Variants in CARD8 observed in about 807,000 individuals in gnomAD.
The protein encoded by CARD8 is caspase recruitment domain-containing protein 8.
CARD8 carries 38 observed loss-of-function variants against 53.2 expected under a neutral mutation model. That is an observed-to-expected ratio of 0.71 (90% CI 0.55 to 0.94). CARD8 has a LOEUF of 0.94. Ranked by LOEUF, CARD8 falls within the 40% of genes least tolerant of loss-of-function variation. The pLI is 0.00. For missense variants in CARD8, 561 were observed against 655.5 expected (o/e 0.86, Z 1.57); for synonymous variants, 245 against 244.9 (o/e 1.00, Z 0.00).
At chr19:48,221,465 A>G (rs2040611416) in intron 11 of CARD8, among the ~76,000 whole-genome samples, 1 of 152,238 alleles carries the variant, frequency 6.6e-6, no homozygotes, top group Non-Finnish European at 1.5e-5. Context: ...TAATTATAAC[A>G]GGGAAATGGA....
At chr19:48,217,720 T>C (rs1395361966) in intron 12 of CARD8, among the ~76,000 whole-genome samples, 3 of 152,192 alleles carry the variant, frequency 2.0e-5, no homozygotes, top group Admixed American at 6.5e-5. Context: ...TTCTGCATCA[T>C]TGTAGTTATT....
chr19:48,230,473 A>G lies in CARD8; in HGVS notation c.1000T>C (p.Leu334=), dbSNP rs778602205. ...HPHPEDIKFH[L]YLVPSDALLT... is the part of the protein sequence containing the mutation. Reference sequence around the variant, plus strand: ...AAGGCGTCGCTGGGGACAAGGTACAAGTGGAACTTAATATCTTCGGGGTGG... The same window carrying G: ...AAGGCGTCGCTGGGGACAAGGTACAGGTGGAACTTAATATCTTCGGGGTGG... The change falls in exon 10 of 14, where the codon TTG becomes CTG. Residue 334 remains leucine, a synonymous_variant. Transcript: ENST00000651546. 1 of 1,613,522 alleles carries G rather than the reference A, an allele frequency of 6.2e-7. No individual in the cohort carries two copies. Among genetic ancestry groups the G allele is most frequent in the South Asian group, 1.1e-5 (1 of 91,014 alleles).
chr19:48,216,962 A>C (rs1253817745), intron 12 of CARD8, among the ~76,000 whole-genome samples: 1 of 152,116 alleles, frequency 6.6e-6, no homozygotes, highest in East Asian at 1.9e-4. Flanking sequence ...GTTTTCCTGC[A>C]ACTAGGTGGT....
intron 3 of CARD8, among the ~76,000 whole-genome samples, chr19:48,244,522 T>G (rs537968955): frequency 1.1e-3 from 167 of 152,276 alleles, no homozygotes; most frequent in Admixed American, 2.5e-3. Context: ...GTGATTTATC[T>G]ATAGAGTTTG....
chr19:48,230,554 T>C lies in CARD8; in HGVS notation c.919A>G (p.Ser307Gly). ...SLMGILLRIA[S>G]GTRLSIPITS... ...ATGGGGATGGAGAGGCGAGTCCCAC[T>C]GGCGATCCGCAGCAGGATGCCCATC... Residue 307 changes from serine (S) to glycine (G), a missense_variant, in exon 10 of 14, where the codon AGT becomes GGT. Physicochemically the swap from Ser to Gly is moderately conservative, Grantham distance 56. Coordinates refer to ENST00000651546, the MANE Select transcript of CARD8 (RefSeq NM_001184900.3). The C allele has an allele frequency of 6.2e-7, 1 of 1,614,190 alleles. No homozygotes were observed. The highest frequency in any genetic ancestry group is 8.5e-7 in the Non-Finnish European group (1 of 1,180,028).
In CARD8 at chr19:48,211,526, A is replaced by G; in HGVS notation, c.*184T>C. ...CTACCTTCTTCAGACATTCTTGAGG[A>G]AAATGCATGAGGATACAGTCAATAG... is the stretch of plus-strand genomic sequence containing the variant. On this transcript the variant is annotated 3_prime_UTR_variant, in exon 14 of 14. Coordinates refer to ENST00000651546, the MANE Select transcript of CARD8 (RefSeq NM_001184900.3). The G allele has an allele frequency of 1.7e-6, 1 of 592,136 alleles. No individual in the cohort carries two copies. The highest frequency in any genetic ancestry group is 2.9e-6 in the Non-Finnish European group (1 of 340,904). The allele number at this position is 592,136 out of a possible 1,614,324, so 36.7% of individuals were successfully genotyped here.
chr19:48,244,407 G>T (rs906629516), intron 3 of CARD8, among the ~76,000 whole-genome samples: 5 of 152,172 alleles, frequency 3.3e-5, no homozygotes, highest in African/African-American at 1.2e-4. Flanking sequence ...GTTAAGTCAG[G>T]GTGAAGCATG....
intron 12 of CARD8, among the ~76,000 whole-genome samples, chr19:48,217,731 C>T (rs1332804910): frequency 6.6e-6 from 1 of 152,186 alleles, no homozygotes. Flanking sequence ...TGTAGTTATT[C>T]AAACAGAGCA....
chr19:48,244,119 A>T (rs953679556), intron 3 of CARD8, among the ~76,000 whole-genome samples: 1 of 152,052 alleles, frequency 6.6e-6, no homozygotes, highest in African/African-American at 2.4e-5. Flanking sequence ...AAAATGAGAA[A>T]TAATGTAATA....
chr19:48,246,348 G>A (rs1305132931), intron 3 of CARD8, among the ~76,000 whole-genome samples: 3 of 152,044 alleles, frequency 2.0e-5, no homozygotes, highest in African/African-American at 7.2e-5. Flanking sequence ...CCCCAGCCCT[G>A]GAAGTAACCA....
intron 10 of CARD8, among the ~76,000 whole-genome samples, chr19:48,224,493 T>A (rs924113987): frequency 6.6e-6 from 1 of 152,192 alleles, no homozygotes; most frequent in Non-Finnish European, 1.5e-5. Flanking sequence ...ACATACTCAA[T>A]AGCCACATGC....
chr19:48,232,606 G>A (rs954417702), intron 6 of CARD8, 113 bp from the exon 7 acceptor site: 9 of 870,868 alleles, frequency 1.0e-5, no homozygotes, highest in African/African-American at 6.7e-5. Flanking sequence ...TAGAGTAGCC[G>A]CTACCCGGAT....
intron 12 of CARD8, among the ~76,000 whole-genome samples, chr19:48,218,115 TTGTTG>T (rs995540661): frequency 6.6e-6 from 1 of 152,188 alleles, no homozygotes; most frequent in African/African-American, 2.4e-5. Flanking sequence ...AATGCCACCA[TTGTTG>T]TGTTATCACA....
intron 1 of CARD8, among the ~76,000 whole-genome samples, chr19:48,251,639 A>G (rs1172577184): frequency 2.0e-5 from 3 of 152,192 alleles, no homozygotes; most frequent in Non-Finnish European, 1.5e-5. Flanking sequence ...GCACTGCTCT[A>G]TGGGACTTAT....
chr19:48,222,118 C>T (rs2040776658), intron 10 of CARD8, among the ~76,000 whole-genome samples: 2 of 152,150 alleles, frequency 1.3e-5, no homozygotes, highest in Admixed American at 1.3e-4. Flanking sequence ...TGAATGTGAA[C>T]TTATAAATTC....
intron 4 of CARD8, among the ~76,000 whole-genome samples, chr19:48,238,835 C>T (rs1194093280): frequency 1.3e-5 from 2 of 152,196 alleles, no homozygotes; most frequent in African/African-American, 4.8e-5. Flanking sequence ...TTCTTAGAGA[C>T]ACCTTCTTCG....
At chr19:48,223,496 A>C (rs1315598971) in intron 10 of CARD8, among the ~76,000 whole-genome samples, 1 of 152,182 alleles carries the variant, frequency 6.6e-6, no homozygotes, top group African/African-American at 2.4e-5. Context: ...GGCATCACAT[A>C]TATGTTTAGA....
intron 4 of CARD8, among the ~76,000 whole-genome samples, 178 bp from the exon 5 acceptor site, chr19:48,238,710 T>C (rs1007865620): frequency 1.3e-5 from 2 of 151,838 alleles, no homozygotes; most frequent in Admixed American, 1.3e-4. Context: ...TGCCCATCCA[T>C]AGAGATGCCA....
downstream of CARD8, chr19:48,203,402 G>C (rs1264312675): frequency 1.3e-5 from 2 of 152,196 alleles, no homozygotes; most frequent in Non-Finnish European, 2.9e-5. Context: ...CAGACTGCCT[G>C]GGTTCAAATC....
Sources: allele counts gnomAD v4.1 joint callset (sites outside exome capture counted in the v4.1 genomes callset), GRCh38; gene constraint gnomAD v4.1.1; transcripts MANE v1.5; gene names NCBI Gene and HGNC (gene_info 2026-07-23, HGNC 2026-07-21).